USO1: variants seen among roughly 807,000 people sequenced by gnomAD.
The protein encoded by USO1 is general vesicular transport factor p115.
USO1 carries 57 observed loss-of-function variants against 124.5 expected under a neutral mutation model. The ratio of observed to expected loss-of-function variants is 0.46; its 90% CI spans 0.37 to 0.57. The LOEUF is 0.57. USO1 is among the 20% of genes least tolerant of loss of function. The pLI, the probability that USO1 is intolerant of heterozygous loss-of-function variation, is 0.00. For synonymous variants in USO1, 369 were observed against 362.8 expected, an observed-to-expected ratio of 1.02 and a Z score of -0.19; for missense variants, 900 against 1,040.6, an observed-to-expected ratio of 0.86 and a Z score of 1.86.
Position 75,813,601 on chromosome 4 carries a change from A to G in USO1, c.*306A>G, listed in dbSNP as rs957736792. The G allele has an allele frequency of 1.0e-5, 2 of 196,222 alleles. No homozygotes were observed. Among genetic ancestry groups the G allele is most frequent in the Non-Finnish European group, 2.0e-5 (2 of 98,016 alleles). The allele number at this position is 196,222 out of a possible 1,614,324, so 12.2% of individuals were successfully genotyped here. On this transcript the variant is annotated 3_prime_UTR_variant, in exon 24 of 24. Transcript: ENST00000514213. ...GTGACAATGCTATTTGCCTTAGTTC[A>G]TTCGTTGTTTACTTTGCAAAATTTG...
chr4:75,806,594 A>C (rs375079635), intron 20 of USO1, 22 bp downstream of exon 20: 33 of 1,549,016 alleles, frequency 2.1e-5, no homozygotes, highest in Non-Finnish European at 2.8e-5. Flanking sequence ...CTTTGATCCA[A>C]TTCTACTTTG....
chr4:75,769,204 C>G (rs891213458), intron 4 of USO1, among the ~76,000 whole-genome samples: 40 of 152,176 alleles, frequency 2.6e-4, no homozygotes, highest in African/African-American at 9.4e-4. Context: ...TCCCTATTTT[C>G]CTTACTCACT....
chr4:75,793,422 G>T (rs1210944125), intron 12 of USO1, among the ~76,000 whole-genome samples: 3 of 151,778 alleles, frequency 2.0e-5, no homozygotes, highest in African/African-American at 7.3e-5. Context: ...GAGAATTACA[G>T]GCGTGAGCCA....
intron 4 of USO1, among the ~76,000 whole-genome samples, chr4:75,765,653 C>CTTT (rs1553899567): frequency 4.8e-5 from 7 of 145,986 alleles, no homozygotes; most frequent in African/African-American, 7.6e-5. Context: ...TTTTTTTTTC[C>CTTT]AACTCCATTC....
Position 75,801,117 on chromosome 4 carries a change from G to A in USO1, c.1903G>A (p.Asp635Asn). 6.2e-7 allele frequency: 1 copy of A among 1,601,300 alleles called. No homozygotes were observed. Among genetic ancestry groups the A allele is most frequent in the Non-Finnish European group, 8.5e-7 (1 of 1,173,484 alleles). ...TKAIYKSSEE[D>N]KKEEEVKKTL... ...GGCTATTTATAAGTCCAGTGAAGAAGATAAAAAAGAAGAAGAGGTGAAAAA... is the reference window on the plus strand; with the variant it reads ...GGCTATTTATAAGTCCAGTGAAGAAAATAAAAAAGAAGAAGAGGTGAAAAA... Residue 635 changes from aspartate to asparagine, a missense_variant, in exon 17 of 24, where the codon GAT (aspartate) becomes AAT (asparagine). Coordinates refer to ENST00000514213, the MANE Select transcript of USO1 (RefSeq NM_003715.4).
rs908893423 is a variant in USO1, at chr4:75,800,279, A to G, written c.1564-72A>G. 1.2e-5 allele frequency: 18 copies of G among 1,486,544 alleles called. No individual in the cohort carries two copies. In the African/African-American group the frequency reaches 2.4e-4, roughly 20 times the overall value. The allele number at this position is 1,486,544 out of a possible 1,614,324, so 92.1% of individuals were successfully genotyped here. A position where few individuals can be genotyped will look rare whatever the true frequency, so the allele number is the denominator to read the frequency against. Reference sequence around the variant, plus strand: ...ATGGGAACTCTTATGTGAAGTATTAATGTATGTCAAATTCAAATTGCAAAA... The same window carrying G: ...ATGGGAACTCTTATGTGAAGTATTAGTGTATGTCAAATTCAAATTGCAAAA... On this transcript the variant is annotated intron_variant, in intron 14 of 23. Transcript: ENST00000514213.
At chr4:75,759,738 G>A (rs1457404816) in intron 4 of USO1, among the ~76,000 whole-genome samples, 2 of 149,254 alleles carry the variant, frequency 1.3e-5, no homozygotes, top group Non-Finnish European at 3.0e-5. Context: ...GAGAAACCCC[G>A]TCTCTACTAA....
At chr4:75,732,416 A>T (rs1720658543) in intron 1 of USO1, among the ~76,000 whole-genome samples, 1 of 152,190 alleles carries the variant, frequency 6.6e-6, no homozygotes, top group South Asian at 2.1e-4. Context: ...CTATTGATGG[A>T]CACCTAGGTT....
At chr4:75,745,604 G>C (rs1378734433) in intron 1 of USO1, among the ~76,000 whole-genome samples, 1 of 152,042 alleles carries the variant, frequency 6.6e-6, no homozygotes, top group Non-Finnish European at 1.5e-5. Flanking sequence ...CTTATAAAGA[G>C]TTTATTAGTT....
chr4:75,800,534 G>A, intron 15 of USO1, 65 bp downstream of exon 15: 1 of 1,309,538 alleles, frequency 7.6e-7, no homozygotes, highest in Admixed American at 4.0e-5. Flanking sequence ...TTTTTTTTTT[G>A]CCAAAGCATT....
At chr4:75,728,313 G>A (rs1375347935) in intron 1 of USO1, among the ~76,000 whole-genome samples, 1 of 151,960 alleles carries the variant, frequency 6.6e-6, no homozygotes, top group African/African-American at 2.4e-5. Context: ...TCTTAGTTAA[G>A]AGTAACTTTG....
intron 1 of USO1, among the ~76,000 whole-genome samples, chr4:75,736,583 G>T (rs774876468): frequency 7.2e-5 from 11 of 152,192 alleles, no homozygotes; most frequent in African/African-American, 2.6e-4. Flanking sequence ...GACTACAGGC[G>T]TGGGCCACCG....
At chr4:75,811,263 C>A (rs1366366411) in intron 22 of USO1, among the ~76,000 whole-genome samples, 6 of 151,928 alleles carry the variant, frequency 3.9e-5, no homozygotes, top group Non-Finnish European at 8.8e-5. Context: ...TCAAGCGATT[C>A]TCCTGCCTCA....
At chr4:75,734,793 A>G (rs865900778) in intron 1 of USO1, among the ~76,000 whole-genome samples, 4 of 129,820 alleles carry the variant, frequency 3.1e-5, no homozygotes, top group African/African-American at 8.9e-5. Flanking sequence ...CAGTGGCACA[A>G]TCTCAGCTCA....
intron 17 of USO1, 69 bp downstream of exon 17, chr4:75,801,269 T>C (rs13133472): frequency 0.6 from 854,526 of 1,430,746 alleles, 260,595 homozygotes; most frequent in East Asian, 0.83. Flanking sequence ...GGGAGCCTTT[T>C]TTTCTGACAT....
rs113651802 is a variant in USO1, at chr4:75,758,903, C to T, written c.295+1330C>T. 7.8e-3 allele frequency among the ~76,000 whole-genome samples: 1,194 copies of T among 152,224 alleles called. 16 individuals carry two copies. Among genetic ancestry groups the T allele is most frequent in the African/African-American group, 0.027 (1,122 of 41,542 alleles). ...AGAATATACTTTGAAGAAAAAGATA[C>T]TTATTTTCCCTAGTTATTTCTACAA... is the stretch of plus-strand genomic sequence containing the variant. On this transcript the variant is annotated intron_variant, in intron 4 of 23. Transcript: ENST00000514213.
intron 22 of USO1, 145 bp downstream of exon 22, chr4:75,810,684 T>A: frequency 9.4e-7 from 1 of 1,063,418 alleles, no homozygotes; most frequent in South Asian, 2.1e-5. Context: ...CCTATATTGA[T>A]GATTTAAGAT....
intron 19 of USO1, among the ~76,000 whole-genome samples, chr4:75,805,633 G>A (rs1289554203): frequency 6.6e-6 from 1 of 151,774 alleles, no homozygotes; most frequent in Non-Finnish European, 1.5e-5. Context: ...CTTAAACCCA[G>A]GAGGTAGAGG....
At chr4:75,757,972 A>G (rs976269993) in intron 4 of USO1, among the ~76,000 whole-genome samples, 2 of 152,136 alleles carry the variant, frequency 1.3e-5, no homozygotes, top group Non-Finnish European at 2.9e-5. Context: ...AACTTTTTAC[A>G]TAGGACTTAT....
Sources: gnomAD v4.1 joint callset for allele counts (sites outside exome capture counted in the v4.1 genomes callset) on GRCh38, gnomAD v4.1.1 for gene constraint, MANE v1.5 for transcripts, NCBI Gene and HGNC (gene_info 2026-07-23, HGNC 2026-07-21) for gene names.